The following MACROD2 variants were observed in gnomAD, a reference collection of about 807,000 sequenced individuals.
MACROD2 encodes mono-ADP ribosylhydrolase 2, also known as ADP-ribose glycohydrolase MACROD2.
MACROD2 carries 36 observed loss-of-function variants against 70.4 expected under a neutral mutation model. The ratio of observed to expected loss-of-function variants is 0.51; its 90% CI spans 0.39 to 0.68. MACROD2 has a LOEUF of 0.68. Among genes scored for constraint, MACROD2 ranks in the 30% least tolerant of loss-of-function variants. The pLI is 0.00. For synonymous variants in MACROD2, 172 were observed against 178.8 expected, an observed-to-expected ratio of 0.96 and a Z score of 0.30; for missense variants, 496 against 538.4, an observed-to-expected ratio of 0.92 and a Z score of 0.78.
intron 5 of MACROD2, among the ~76,000 whole-genome samples, chr20:14,870,156 T>C (rs1312695228): frequency 2.0e-5 from 3 of 152,282 alleles, no homozygotes; most frequent in Admixed American, 6.5e-5. Context: ...TTTGTGTCCA[T>C]GTATTCTCAT....
At chr20:15,735,938 A>C (rs2051013741) in intron 8 of MACROD2, among the ~76,000 whole-genome samples, 1 of 146,246 alleles carries the variant, frequency 6.8e-6, no homozygotes, top group Non-Finnish European at 1.5e-5. Context: ...AACACCTACC[A>C]TGTGCTGTAC....
At chr20:15,656,725 A>G (rs1473953672) in intron 8 of MACROD2, among the ~76,000 whole-genome samples, 2 of 152,172 alleles carry the variant, frequency 1.3e-5, no homozygotes, top group Admixed American at 1.3e-4. Flanking sequence ...GGCTAAATGC[A>G]ACACAGCCCT....
chr20:15,753,265 C>T (rs2051299736), intron 8 of MACROD2, among the ~76,000 whole-genome samples: 1 of 152,204 alleles, frequency 6.6e-6, no homozygotes, highest in African/African-American at 2.4e-5. Flanking sequence ...GGAAGCTCCG[C>T]TTCCTTCCCC....
At chr20:14,532,783 G>A (rs1191827363) in intron 4 of MACROD2, among the ~76,000 whole-genome samples, 2 of 152,176 alleles carry the variant, frequency 1.3e-5, no homozygotes, top group Admixed American at 1.3e-4. Context: ...ATTGCTCAGA[G>A]TGCTGAATTA....
At chr20:14,108,667 A>C (rs1369007950) in intron 3 of MACROD2, among the ~76,000 whole-genome samples, 1 of 152,084 alleles carries the variant, frequency 6.6e-6, no homozygotes, top group Non-Finnish European at 1.5e-5. Context: ...AAGATAAAGA[A>C]GGTCATTATA....
intron 8 of MACROD2, among the ~76,000 whole-genome samples, chr20:15,666,130 A>G (rs1409814647): frequency 1.3e-5 from 2 of 152,228 alleles, no homozygotes; most frequent in Non-Finnish European, 2.9e-5. Flanking sequence ...TAAGACCTTC[A>G]TAAAATTGGT....
At chr20:15,451,732 A>G (rs2046646495) in intron 7 of MACROD2, among the ~76,000 whole-genome samples, 1 of 152,050 alleles carries the variant, frequency 6.6e-6, no homozygotes, top group African/African-American at 2.4e-5. Flanking sequence ...GAATCTTTCA[A>G]CTCACCCCAT....
chr20:15,782,828 T>C (rs2051857536), intron 8 of MACROD2, among the ~76,000 whole-genome samples: 1 of 151,856 alleles, frequency 6.6e-6, no homozygotes, highest in Admixed American at 6.6e-5. Context: ...TCTTCATTTA[T>C]ATTTGTATTA....
intron 8 of MACROD2, among the ~76,000 whole-genome samples, chr20:15,792,332 A>C (rs2063631793): frequency 6.6e-6 from 1 of 152,152 alleles, no homozygotes; most frequent in Non-Finnish European, 1.5e-5. Context: ...TGAAGGACAC[A>C]AGACACAGAG....
chr20:15,872,456 T>C lies in MACROD2; in HGVS notation c.727+9630T>C, dbSNP rs555901153. On this transcript the variant is annotated intron_variant, in intron 9 of 17. Coordinates refer to ENST00000684519, the MANE Select transcript of MACROD2 (RefSeq NM_001351661.2). ...GGGGAAGAAATGCTAGGCTTGTTAT[T>C]ATAAGAAATGGTCTCATCTTGTCAC... Among the ~76,000 whole-genome samples the C allele has an allele frequency of 9.1e-4, 138 of 152,318 alleles. 1 individual carries two copies. The highest frequency in any genetic ancestry group is 3.2e-3 in the African/African-American group (132 of 41,586).
intron 4 of MACROD2, among the ~76,000 whole-genome samples, chr20:14,629,966 T>TCTAC (rs1984414270): frequency 6.8e-6 from 1 of 146,988 alleles, no homozygotes; most frequent in Non-Finnish European, 1.5e-5. Context: ...TATCTATCTA[T>TCTAC]CTATCTATCT....
At chr20:14,242,449 C>G (rs1057193085) in intron 3 of MACROD2, among the ~76,000 whole-genome samples, 12 of 152,048 alleles carry the variant, frequency 7.9e-5, no homozygotes, top group Non-Finnish European at 1.5e-4. Context: ...CATATGCCAG[C>G]AGAAGTATAC....
chr20:14,416,365 G>A (rs1049353042), intron 3 of MACROD2, among the ~76,000 whole-genome samples: 2 of 152,042 alleles, frequency 1.3e-5, no homozygotes, highest in Non-Finnish European at 2.9e-5. Context: ...GTAAATTAAT[G>A]ACTTACTCAA....
At chr20:14,512,827 T>C (rs930483894) in intron 4 of MACROD2, among the ~76,000 whole-genome samples, 7 of 152,102 alleles carry the variant, frequency 4.6e-5, no homozygotes, top group South Asian at 2.1e-4. Context: ...ATGTTTACGA[T>C]TTTTTTCTGT....
At chr20:15,878,334 C>T (rs2064704955) in intron 9 of MACROD2, among the ~76,000 whole-genome samples, 1 of 152,008 alleles carries the variant, frequency 6.6e-6, no homozygotes, top group African/African-American at 2.4e-5. Flanking sequence ...TTCAACAGGC[C>T]AATATTGGTG....
At chr20:15,727,360 C>T (rs759346297) in intron 8 of MACROD2, among the ~76,000 whole-genome samples, 31 of 152,012 alleles carry the variant, frequency 2.0e-4, no homozygotes, top group Non-Finnish European at 3.5e-4. Context: ...TATACTTTTA[C>T]ATCAAGTAAT....
chr20:14,238,901 C>A (rs796928680), intron 3 of MACROD2, among the ~76,000 whole-genome samples: 11 of 152,046 alleles, frequency 7.2e-5, no homozygotes, highest in African/African-American at 2.2e-4. Flanking sequence ...GTGGCATGAA[C>A]CTGTAGTCCC....
At chr20:14,744,948 G>A (rs1485084059) in intron 5 of MACROD2, among the ~76,000 whole-genome samples, 2 of 152,134 alleles carry the variant, frequency 1.3e-5, no homozygotes, top group East Asian at 3.9e-4. Flanking sequence ...GTTTTGGGAT[G>A]ATGTGTTTCT....
chr20:15,551,811 G>T (rs1380294900), intron 8 of MACROD2, among the ~76,000 whole-genome samples: 1 of 148,694 alleles, frequency 6.7e-6, no homozygotes, highest in East Asian at 2.0e-4. Context: ...CAAGGCTGCA[G>T]TGAGCGGAAC....
Sources: gnomAD v4.1 joint callset for allele counts (sites outside exome capture counted in the v4.1 genomes callset) on GRCh38, gnomAD v4.1.1 for gene constraint, MANE v1.5 for transcripts, NCBI Gene and HGNC (gene_info 2026-07-23, HGNC 2026-07-21) for gene names.